The following AKAP9 variants were observed in gnomAD, a reference collection of about 807,000 sequenced individuals.
AKAP9 encodes A-kinase anchoring protein 9.
Under a neutral mutation model 488.5 loss-of-function variants are expected in AKAP9, and 311 were observed. The observed-to-expected ratio is 0.64, with a 90% CI of 0.58 to 0.70. The LOEUF (loss-of-function observed/expected upper bound fraction) is 0.70. Ranked by LOEUF, AKAP9 falls within the 30% of genes least tolerant of loss-of-function variation. The pLI, the probability that AKAP9 is intolerant of heterozygous loss-of-function variation, is 0.00. For missense variants in AKAP9, 4,215 were observed against 4,374.5 expected (o/e 0.96, Z 1.03); for synonymous variants, 1,462 against 1,483.5 (o/e 0.99, Z 0.33).
intron 1 of AKAP9, among the ~76,000 whole-genome samples, chr7:91,969,234 C>T (rs1794768081): frequency 6.6e-6 from 1 of 152,126 alleles, no homozygotes; most frequent in South Asian, 2.1e-4. Context: ...TGAGGTACTT[C>T]TTGTGACTGA....
chr7:91,957,672 T>C (rs1016911368), intron 1 of AKAP9, among the ~76,000 whole-genome samples: 1 of 152,210 alleles, frequency 6.6e-6, no homozygotes, highest in African/African-American at 2.4e-5. Context: ...CTGAGTCTTA[T>C]CTATGACAAT....
intron 20 of AKAP9, chr7:92,043,223 T>A (rs1458477544): frequency 2.4e-6 from 1 of 418,830 alleles, no homozygotes; most frequent in East Asian, 1.4e-4. Context: ...CTTAATTTCC[T>A]CCTTTTCCAA....
At chr7:91,962,551 T>G (rs1466327561) in intron 1 of AKAP9, among the ~76,000 whole-genome samples, 1 of 152,182 alleles carries the variant, frequency 6.6e-6, no homozygotes, top group Non-Finnish European at 1.5e-5. Context: ...AAATTATCTT[T>G]TTTTACTCTG....
intron 7 of AKAP9, 21 bp from the exon 8 acceptor site, chr7:92,000,827 T>G: frequency 7.9e-7 from 1 of 1,269,262 alleles, no homozygotes; most frequent in Non-Finnish European, 1.1e-6. Context: ...CATTCTTACA[T>G]TTTCATTTTT....
Position 92,100,883 on chromosome 7 carries a change from G to A in AKAP9, c.10924G>A (p.Ala3642Thr), listed in dbSNP as rs762931104. ...NSSRFSLNGG[A>T]NIEAIIASEK... ...TTCCAGGTTTTCATTGAATGGTGGT[G>A]CCAACATTGAAGCCATCATTGCCTC... is the stretch of plus-strand genomic sequence containing the variant. The change falls in exon 45 of 50, where the codon GCC becomes ACC. Residue 3642 changes from alanine to threonine, a missense_variant. Ala to Thr is a moderately conservative substitution (Grantham distance 58). This residue lies in a region of AKAP9 where 74 missense variants were observed against 113.0 expected (regional missense o/e 0.65). Transcript: ENST00000356239. The A allele has an allele frequency of 1.2e-6, 2 of 1,614,108 alleles. No individual in the cohort carries two copies. The highest frequency in any genetic ancestry group is 2.2e-5 in the South Asian group (2 of 91,078).
chr7:92,099,617 A>ATTC (rs1817190367), intron 43 of AKAP9, 70 bp from the exon 44 acceptor site: 1 of 1,455,546 alleles, frequency 6.9e-7, no homozygotes, highest in Non-Finnish European at 9.6e-7. Flanking sequence ...CTCGGTGCCT[A>ATTC]TTCACACTTT....
At chr7:91,955,121 T>C (rs925076496) in intron 1 of AKAP9, among the ~76,000 whole-genome samples, 1 of 152,200 alleles carries the variant, frequency 6.6e-6, no homozygotes, top group Non-Finnish European at 1.5e-5. Context: ...CCTTGTTCCC[T>C]AATTCTAAGA....
In AKAP9 at chr7:92,002,105, A is replaced by G. The variant is rs1799245251; in HGVS notation, c.2188A>G (p.Ile730Val). 1 of 1,593,066 alleles carries G rather than the reference A, an allele frequency of 6.3e-7. No individual in the cohort carries two copies. The highest frequency in any genetic ancestry group is 8.5e-7 in the Non-Finnish European group (1 of 1,174,348). The change falls in exon 8 of 50, where the codon ATA (isoleucine) becomes GTA (valine). Residue 730 changes from isoleucine (I) to valine (V), a missense_variant. Ile to Val is a conservative substitution (Grantham distance 29). Coordinates refer to ENST00000356239, the MANE Select transcript of AKAP9 (RefSeq NM_005751.5). Reference protein sequence around the residue: ...QINELQKEIEILRQEEKEKGT... With the variant: ...QINELQKEIEVLRQEEKEKGT... ...CAATGAACTTCAAAAAGAAATTGAA[A>G]TACTCAGACAAGAAGAAAAAGAAAA... is the stretch of plus-strand genomic sequence containing the variant.
chr7:92,081,497 A>ATATATTTTT (rs1370452281), intron 31 of AKAP9, among the ~76,000 whole-genome samples: 1 of 85,380 alleles, frequency 1.2e-5, no homozygotes, highest in Non-Finnish European at 2.4e-5. Flanking sequence ...ATATATATAT[A>ATATATTTTT]TTTTTTTTTT....
At chr7:92,080,291 A>G in intron 31 of AKAP9, 139 bp downstream of exon 31, 20 of 795,298 alleles carry the variant, frequency 2.5e-5, no homozygotes, top group Non-Finnish European at 3.8e-5. Context: ...CTTATAAAAA[A>G]TAAACTCTTG....
At chr7:92,099,922 T>G in intron 44 of AKAP9, 53 bp downstream of exon 44, 1 of 1,549,488 alleles carries the variant, frequency 6.5e-7, no homozygotes, top group Non-Finnish European at 8.9e-7. Context: ...TGCTTATCAT[T>G]TCTGCTGTCT....
chr7:92,039,280 A>G (rs569697032), intron 17 of AKAP9, among the ~76,000 whole-genome samples: 1 of 152,326 alleles, frequency 6.6e-6, no homozygotes, highest in South Asian at 2.1e-4. Flanking sequence ...AAATAAAACA[A>G]GTCTGGTTCA....
intron 45 of AKAP9, among the ~76,000 whole-genome samples, 197 bp downstream of exon 45, chr7:92,101,253 G>A (rs1226177822): frequency 2.0e-5 from 3 of 152,026 alleles, no homozygotes; most frequent in South Asian, 2.1e-4. Context: ...TGGCTAACAC[G>A]GTGAAACCCC....
At chr7:92,011,103 A>G (rs914224099) in intron 8 of AKAP9, among the ~76,000 whole-genome samples, 3 of 152,224 alleles carry the variant, frequency 2.0e-5, no homozygotes, top group Non-Finnish European at 4.4e-5. Flanking sequence ...AACATTTCTA[A>G]TAGTGAAATT....
intron 1 of AKAP9, among the ~76,000 whole-genome samples, chr7:91,951,751 C>T (rs1050979194): frequency 2.6e-5 from 4 of 152,038 alleles, no homozygotes; most frequent in African/African-American, 7.2e-5. Context: ...GATTATTTTC[C>T]TTTATTCTAT....
chr7:92,022,461 G>A (rs1209176564), intron 13 of AKAP9, 109 bp downstream of exon 13: 3 of 776,598 alleles, frequency 3.9e-6, no homozygotes, highest in African/African-American at 1.7e-5. Context: ...GCATTTCACT[G>A]TAGCCTCTCT....
intron 44 of AKAP9, among the ~76,000 whole-genome samples, chr7:92,100,210 A>G (rs1293316061): frequency 6.6e-6 from 1 of 152,152 alleles, no homozygotes; most frequent in African/African-American, 2.4e-5. Context: ...GGGACCAACA[A>G]CAGATACACG....
intron 13 of AKAP9, 26 bp from the exon 14 acceptor site, chr7:92,022,788 A>C (rs750027630): frequency 7.6e-6 from 11 of 1,450,820 alleles, no homozygotes. Context: ...TGAAATGTGC[A>C]TTTTTTGTCT....
In AKAP9 at chr7:92,016,202, A is replaced by G; in HGVS notation, c.3686A>G (p.Asn1229Ser). The G allele has an allele frequency of 6.3e-7, 1 of 1,583,332 alleles. No homozygotes were observed. Among genetic ancestry groups the G allele is most frequent in the Non-Finnish European group, 8.7e-7 (1 of 1,153,294 alleles). Residue 1229 changes from asparagine (N) to serine (S), a missense_variant, in exon 11 of 50, where the codon AAT becomes AGT. This residue lies in a region of AKAP9 where 2,361 missense variants were observed against 2,430.0 expected (regional missense o/e 0.97). Coordinates refer to ENST00000356239, the MANE Select transcript of AKAP9 (RefSeq NM_005751.5). ...KCEVNAEDKE[N>S]SGDYISENED... ...GAAGTAAATGCAGAAGACAAAGAGA[A>G]TTCTGGTGATTACATTTCTGAAAAT...
Sources: gnomAD v4.1 joint callset for allele counts (sites outside exome capture counted in the v4.1 genomes callset) on GRCh38, gnomAD v4.1.1 for gene constraint, gnomAD v4.1.1 regional missense constraint, MANE v1.5 for transcripts, NCBI Gene and HGNC (gene_info 2026-07-23, HGNC 2026-07-21) for gene names.